The following HOMER1 variants were observed in gnomAD, a reference collection of about 807,000 sequenced individuals.
The protein encoded by HOMER1 is homer scaffold protein 1.
A neutral mutation model predicts 48.9 loss-of-function variants in HOMER1; 3 were observed. The ratio of observed to expected loss-of-function variants is 0.06; its 90% CI spans 0.03 to 0.16. The LOEUF (loss-of-function observed/expected upper bound fraction) is 0.16. HOMER1 is among the 10% of genes least tolerant of loss of function. HOMER1 has a pLI of 1.00. For synonymous variants in HOMER1, 134 were observed against 146.4 expected (o/e 0.92, Z 0.61); for missense variants, 247 against 411.4 (o/e 0.60, Z 3.46).
chr5:79,492,741 T>C (rs918341820), intron 1 of HOMER1, among the ~76,000 whole-genome samples: 2 of 151,856 alleles, frequency 1.3e-5, no homozygotes, highest in South Asian at 2.1e-4. Context: ...TAATACGTAT[T>C]AGGTTGGTCT....
At chr5:79,468,341 T>C (rs1024961009) in intron 1 of HOMER1, among the ~76,000 whole-genome samples, 1 of 152,210 alleles carries the variant, frequency 6.6e-6, no homozygotes. Flanking sequence ...CCAATAAACA[T>C]TTAACATTCA....
intron 5 of HOMER1, among the ~76,000 whole-genome samples, chr5:79,411,295 G>C (rs1749808757): frequency 6.6e-6 from 1 of 152,222 alleles, no homozygotes; most frequent in South Asian, 2.1e-4. Flanking sequence ...GGCCAGCCTG[G>C]GCAACATGGT....
chr5:79,378,418 T>C (rs1212478710), intron 8 of HOMER1, among the ~76,000 whole-genome samples: 5 of 151,598 alleles, frequency 3.3e-5, no homozygotes, highest in South Asian at 2.1e-4. Context: ...TCTCAAACTA[T>C]TGACTGTTAG....
intron 5 of HOMER1, among the ~76,000 whole-genome samples, chr5:79,431,375 A>T (rs997086813): frequency 6.6e-6 from 1 of 151,956 alleles, no homozygotes; most frequent in African/African-American, 2.4e-5. Context: ...AAGGCCACAT[A>T]TTATGATTCC....
At chr5:79,475,919 A>G (rs1751763597) in intron 1 of HOMER1, among the ~76,000 whole-genome samples, 1 of 152,230 alleles carries the variant, frequency 6.6e-6, no homozygotes, top group Admixed American at 6.5e-5. Context: ...AACAGCAATC[A>G]TAATTATGTT....
Position 79,465,584 on chromosome 5 carries a change from C to CTTTTTTTTTTTTTTTTTT in HOMER1, c.6-8584_6-8567dup, listed in dbSNP as rs10666507. 1.3e-4 allele frequency among the ~76,000 whole-genome samples: 10 copies of CTTTTTTTTTTTTTTTTTT among 77,906 alleles called. 2 individuals are homozygous for CTTTTTTTTTTTTTTTTTT. Among genetic ancestry groups the CTTTTTTTTTTTTTTTTTT allele is most frequent in the East Asian group, 4.6e-4 (1 of 2,166 alleles). The allele number at this position is 77,906 out of a possible 152,430, so 51.1% of individuals were successfully genotyped here. On this transcript the variant is annotated intron_variant, in intron 1 of 8. Transcript: ENST00000334082. Reference sequence around the variant, plus strand: ...AGTAACAGTACTGTTTACATTTCTTCTTTTTTTTTTTTTTTTTTTTTTTTT... The same window carrying CTTTTTTTTTTTTTTTTTT: ...AGTAACAGTACTGTTTACATTTCTTCTTTTTTTTTTTTTTTTTTTTTTTTTTTTTTTTTTTTTTTTTTT...
At chr5:79,403,318 TTGA>T (rs1270452000) in intron 5 of HOMER1, among the ~76,000 whole-genome samples, 1 of 152,128 alleles carries the variant, frequency 6.6e-6, no homozygotes, top group East Asian at 1.9e-4. Flanking sequence ...ATTTGATGGG[TTGA>T]TATTTTATAG....
intron 8 of HOMER1, among the ~76,000 whole-genome samples, chr5:79,381,758 A>G (rs1748983989): frequency 6.6e-6 from 1 of 151,986 alleles, no homozygotes; most frequent in Admixed American, 6.6e-5. Context: ...GGTGGTATGC[A>G]CCTGTAATCC....
At chr5:79,415,468 T>C (rs1202150646) in intron 5 of HOMER1, among the ~76,000 whole-genome samples, 2 of 152,218 alleles carry the variant, frequency 1.3e-5, no homozygotes, top group African/African-American at 4.8e-5. Context: ...AGCTGGACCC[T>C]GCATATGATG....
intron 8 of HOMER1, among the ~76,000 whole-genome samples, chr5:79,389,919 G>A (rs980984449): frequency 6.6e-6 from 1 of 152,146 alleles, no homozygotes; most frequent in African/African-American, 2.4e-5. Flanking sequence ...GAGAGAAAGA[G>A]AAAAATGAGA....
intron 4 of HOMER1, among the ~76,000 whole-genome samples, chr5:79,441,475 G>T (rs1750733878): frequency 6.6e-6 from 1 of 152,060 alleles, no homozygotes; most frequent in South Asian, 2.1e-4. Context: ...AAGAAGGGGA[G>T]AAAGAAAGGG....
At chr5:79,444,012 C>T (rs921975727) in intron 4 of HOMER1, among the ~76,000 whole-genome samples, 1 of 152,184 alleles carries the variant, frequency 6.6e-6, no homozygotes, top group African/African-American at 2.4e-5. Flanking sequence ...ACACCTCCCT[C>T]AAATAAAAAC....
intron 4 of HOMER1, among the ~76,000 whole-genome samples, chr5:79,440,321 A>T (rs986739465): frequency 1.3e-5 from 2 of 152,176 alleles, no homozygotes; most frequent in Non-Finnish European, 2.9e-5. Flanking sequence ...TTTGTTTTTG[A>T]GACTTCTGGT....
At chr5:79,417,013 G>A (rs1749960154) in intron 5 of HOMER1, among the ~76,000 whole-genome samples, 2 of 152,122 alleles carry the variant, frequency 1.3e-5, no homozygotes, top group Admixed American at 1.3e-4. Flanking sequence ...GCTATTCAGT[G>A]GACCTACTGC....
chr5:79,421,250 A>G (rs1750088986), intron 5 of HOMER1, among the ~76,000 whole-genome samples: 1 of 152,210 alleles, frequency 6.6e-6, no homozygotes, highest in Non-Finnish European at 1.5e-5. Context: ...GTGCCCCCAG[A>G]TGCTGTAAGG....
At chr5:79,418,344 C>T (rs1255530848) in intron 5 of HOMER1, among the ~76,000 whole-genome samples, 3 of 152,152 alleles carry the variant, frequency 2.0e-5, no homozygotes, top group African/African-American at 4.8e-5. Flanking sequence ...CTAAAGCCTT[C>T]CTGATCGGCC....
chr5:79,502,534 G>A (rs1752625118), intron 1 of HOMER1, among the ~76,000 whole-genome samples: 1 of 152,112 alleles, frequency 6.6e-6, no homozygotes, highest in Non-Finnish European at 1.5e-5. Flanking sequence ...GCGCTTTTAT[G>A]AGTCTCTTTC....
chr5:79,407,623 A>C (rs922090499), intron 5 of HOMER1, among the ~76,000 whole-genome samples: 5 of 152,232 alleles, frequency 3.3e-5, no homozygotes, highest in African/African-American at 1.2e-4. Context: ...AAACAGATCA[A>C]GAGAAATCAG....
intron 1 of HOMER1, among the ~76,000 whole-genome samples, chr5:79,485,836 G>GT (rs1383943349): frequency 2.0e-5 from 3 of 152,058 alleles, no homozygotes; most frequent in Non-Finnish European, 4.4e-5. Context: ...GGCTGCAACA[G>GT]TATCTCCTGT....
Sources: gnomAD v4.1 joint callset for allele counts (sites outside exome capture counted in the v4.1 genomes callset) on GRCh38, gnomAD v4.1.1 for gene constraint, MANE v1.5 for transcripts, NCBI Gene and HGNC (gene_info 2026-07-23, HGNC 2026-07-21) for gene names.